FHIP1A: variants seen among roughly 807,000 people sequenced by gnomAD.
The protein encoded by FHIP1A is FHF complex subunit HOOK-interacting protein 1A.
FHIP1A carries 61 observed loss-of-function variants against 88.6 expected under a neutral mutation model. The ratio of observed to expected loss-of-function variants is 0.69; its 90% CI spans 0.56 to 0.85. The LOEUF is 0.85. Ranked by LOEUF, FHIP1A falls within the 40% of genes least tolerant of loss-of-function variation. FHIP1A has a pLI of 0.00. For synonymous variants in FHIP1A, 478 were observed against 496.0 expected (o/e 0.96, Z 0.48); for missense variants, 1,154 against 1,273.5 (o/e 0.91, Z 1.43).
intron 2 of FHIP1A, among the ~76,000 whole-genome samples, chr4:151,474,427 C>T (rs779226860): frequency 3.9e-5 from 6 of 152,116 alleles, no homozygotes; most frequent in Non-Finnish European, 7.4e-5. Context: ...AATAAAGATA[C>T]TGTACTGTTT....
intron 7 of FHIP1A, among the ~76,000 whole-genome samples, chr4:151,607,557 C>T (rs1032188864): frequency 1.3e-5 from 2 of 152,200 alleles, no homozygotes; most frequent in African/African-American, 4.8e-5. Context: ...TCAATTAATG[C>T]ATTATATTCA....
chr4:151,610,697 A>T (rs1229372570), intron 7 of FHIP1A, among the ~76,000 whole-genome samples: 2 of 152,126 alleles, frequency 1.3e-5, no homozygotes, highest in African/African-American at 4.8e-5. Flanking sequence ...TTTAGCATCT[A>T]TTCCAACTAC....
At chr4:151,530,799 C>G (rs902439858) in intron 3 of FHIP1A, among the ~76,000 whole-genome samples, 1 of 152,142 alleles carries the variant, frequency 6.6e-6, no homozygotes, top group African/African-American at 2.4e-5. Context: ...GGCTGGGTGA[C>G]CTTTGGCAAG....
intron 3 of FHIP1A, among the ~76,000 whole-genome samples, chr4:151,510,638 T>A (rs1730994171): frequency 6.6e-6 from 1 of 152,186 alleles, no homozygotes; most frequent in African/African-American, 2.4e-5. Flanking sequence ...GTTGACATGG[T>A]TCCTTTCTCT....
intron 1 of FHIP1A, among the ~76,000 whole-genome samples, chr4:151,434,030 G>A (rs992529349): frequency 2.0e-5 from 3 of 152,158 alleles, no homozygotes; most frequent in African/African-American, 7.2e-5. Flanking sequence ...CTGAAGAAGT[G>A]CAAATGTTTG....
chr4:151,604,760 A>G (rs1450910222), intron 7 of FHIP1A, among the ~76,000 whole-genome samples: 4 of 151,872 alleles, frequency 2.6e-5, no homozygotes, highest in Non-Finnish European at 5.9e-5. Context: ...GCAGCAGGAG[A>G]ATTGCTTGAA....
At chr4:151,534,937 GC>G in intron 3 of FHIP1A, 1 of 152,320 alleles carries the variant, frequency 6.6e-6, no homozygotes, top group East Asian at 1.9e-4. Flanking sequence ...ATGTTCCTTG[GC>G]TGGGCATCAT....
intron 1 of FHIP1A, among the ~76,000 whole-genome samples, chr4:151,429,773 C>T (rs1417916112): frequency 5.5e-5 from 8 of 144,942 alleles, no homozygotes; most frequent in East Asian, 2.0e-4. Context: ...TGCTTGAATA[C>T]GGGAGGCGGA....
At chr4:151,533,205 G>A (rs531087968) in intron 3 of FHIP1A, among the ~76,000 whole-genome samples, 1 of 152,264 alleles carries the variant, frequency 6.6e-6, no homozygotes, top group Admixed American at 6.5e-5. Context: ...CCCCAGCCTG[G>A]TTGACGTGGC....
At chr4:151,485,936 TG>T (rs1580621047) in intron 3 of FHIP1A, among the ~76,000 whole-genome samples, 1 of 152,270 alleles carries the variant, frequency 6.6e-6, no homozygotes, top group East Asian at 1.9e-4. Flanking sequence ...TCCAACCTTT[TG>T]GCACCAAGGA....
In FHIP1A at chr4:151,454,718, T is replaced by C. The variant is rs957852653; in HGVS notation, c.-338T>C. On this transcript the variant is annotated 5_prime_UTR_variant, in exon 2 of 14. Coordinates refer to ENST00000435205, the MANE Select transcript of FHIP1A (RefSeq NM_001109977.3). ...TTTTCCAGGTGATACACTTGGGTGT[T>C]GAAGGACATTTTTGAAATCATGAGA... 1 of 152,062 alleles carries C rather than the reference T, an allele frequency of 6.6e-6. No individual in the cohort carries two copies. Among genetic ancestry groups the C allele is most frequent in the Non-Finnish European group, 1.5e-5 (1 of 68,006 alleles). 9.4% of individuals were successfully genotyped at this position (152,062 alleles called of 1,614,324 possible).
At chr4:151,501,664 A>C (rs1201122589) in intron 3 of FHIP1A, among the ~76,000 whole-genome samples, 1 of 151,960 alleles carries the variant, frequency 6.6e-6, no homozygotes, top group Non-Finnish European at 1.5e-5. Context: ...TATTTCTTTG[A>C]TAATCAAAGA....
At chr4:151,421,702 A>G (rs1222293909) in intron 1 of FHIP1A, among the ~76,000 whole-genome samples, 8 of 151,930 alleles carry the variant, frequency 5.3e-5, no homozygotes, top group Non-Finnish European at 1.0e-4. Flanking sequence ...TTCCTGTTGC[A>G]TCCTCTGGGA....
rs555733843 is a variant in FHIP1A at position 151,623,655 on chromosome 4, A to T, written c.979-6047A>T. Reference sequence around the variant, plus strand: ...TATGCACATTCTCTTTAATCCTCTTAATACTTTCAAAGATATTGATTATCC... The same window carrying T: ...TATGCACATTCTCTTTAATCCTCTTTATACTTTCAAAGATATTGATTATCC... On this transcript the variant is annotated intron_variant, in intron 7 of 13. Transcript: ENST00000435205. Among the ~76,000 whole-genome samples, 5 of 149,964 alleles carry T rather than the reference A, an allele frequency of 3.3e-5. No homozygotes were observed. In the Admixed American group the frequency reaches 3.4e-4, roughly 10 times the overall value.
chr4:151,460,117 A>T (rs891136774), intron 2 of FHIP1A, among the ~76,000 whole-genome samples: 1 of 152,186 alleles, frequency 6.6e-6, no homozygotes, highest in Non-Finnish European at 1.5e-5. Flanking sequence ...ATATTTGAGG[A>T]TACATTATTA....
chr4:151,582,956 A>C (rs1380395884), intron 5 of FHIP1A, among the ~76,000 whole-genome samples: 3 of 152,140 alleles, frequency 2.0e-5, no homozygotes, highest in Non-Finnish European at 4.4e-5. Flanking sequence ...GACCTGTTGG[A>C]ATCTTTCTTT....
intron 10 of FHIP1A, among the ~76,000 whole-genome samples, chr4:151,647,746 A>G (rs1736852769): frequency 1.3e-5 from 2 of 152,172 alleles, no homozygotes; most frequent in Admixed American, 1.3e-4. Flanking sequence ...ATTTTTTAAA[A>G]CATATTTAAA....
At chr4:151,468,003 A>T (rs1363218912) in intron 2 of FHIP1A, among the ~76,000 whole-genome samples, 3 of 133,270 alleles carry the variant, frequency 2.3e-5, no homozygotes, top group Non-Finnish European at 3.3e-5. Flanking sequence ...AAAAAAAAAA[A>T]GCCGGGCATG....
chr4:151,454,828 CG>C lies in FHIP1A; in HGVS notation c.-248+21del, dbSNP rs1336603040. On this transcript the variant is annotated intron_variant, in intron 2 of 13. Coordinates refer to ENST00000435205, the MANE Select transcript of FHIP1A (RefSeq NM_001109977.3). The stretch of plus-strand genomic sequence containing the variant: ...GTTGAGGTAGGAATATTTATAAATA[CG>C]TTCCTTAACTTTTAGCTTGTGTGTG... 6.6e-6 allele frequency: 1 copy of C among 152,028 alleles called. No homozygotes were observed. The highest frequency in any genetic ancestry group is 1.9e-4 in the East Asian group (1 of 5,188). The allele number at this position is 152,028 out of a possible 1,614,324, so 9.4% of individuals were successfully genotyped here.
Sources: allele counts gnomAD v4.1 joint callset (sites outside exome capture counted in the v4.1 genomes callset), GRCh38; gene constraint gnomAD v4.1.1; transcripts MANE v1.5; gene names NCBI Gene and HGNC (gene_info 2026-07-23, HGNC 2026-07-21).